DNAH7: variants seen among roughly 807,000 people sequenced by gnomAD.
The protein encoded by DNAH7 is axonemal beta dynein heavy chain 7.
In DNAH7, 397 loss-of-function variants were observed where a neutral mutation model predicts 444.6. The observed-to-expected ratio is 0.89, with a 90% CI of 0.82 to 0.97. The LOEUF (loss-of-function observed/expected upper bound fraction) is 0.97. DNAH7 is among the 50% of genes least tolerant of loss of function. DNAH7 has a pLI of 0.00. For synonymous variants in DNAH7, 1,636 were observed against 1,624.4 expected (o/e 1.01, Z -0.17); for missense variants, 4,902 against 4,800.8 (o/e 1.02, Z -0.62).
chr2:195,747,323 C>G (rs1375459291), intron 63 of DNAH7, among the ~76,000 whole-genome samples: 2 of 151,718 alleles, frequency 1.3e-5, no homozygotes, highest in Non-Finnish European at 3.0e-5. Flanking sequence ...TCTGAATAGG[C>G]TCTAAAATTG....
chr2:195,804,302 T>A (rs1267280808), intron 54 of DNAH7, among the ~76,000 whole-genome samples: 1 of 152,218 alleles, frequency 6.6e-6, no homozygotes, highest in Non-Finnish European at 1.5e-5. Flanking sequence ...ATGTATTATT[T>A]TATCATACAT....
At position 196,024,453 on chromosome 2, in the gene DNAH7, T is replaced by G. The variant is rs1296747338; in HGVS notation, c.719A>C (p.Asp240Ala). Residue 240 changes from aspartate to alanine, a missense_variant, in exon 8 of 65, where the codon GAT (aspartate) becomes GCT (alanine). Transcript: ENST00000312428. ...CTCAGCACGATGGGCTGGAAGTTCA[T>G]CTGTCTTCTTATCATCTCCTTTCTC... ...PREKGDDKKT[D>A]ELPAHRAEME... The G allele has an allele frequency of 6.3e-7, 1 of 1,585,762 alleles. No homozygotes were observed. Among genetic ancestry groups the G allele is most frequent in the Non-Finnish European group, 8.6e-7 (1 of 1,168,842 alleles).
rs1204967193 is a variant in DNAH7 at position 195,864,609 on chromosome 2, G to A, written c.7046C>T (p.Ser2349Phe). 6.2e-7 allele frequency: 1 copy of A among 1,613,968 alleles called. No homozygotes were observed. The highest frequency in any genetic ancestry group is 1.3e-5 in the African/African-American group (1 of 74,904). ...LVGVGGSGRQSVTRLAAHMAD... is the reference protein window; with the variant it reads ...LVGVGGSGRQFVTRLAAHMAD... ...CATGTGGGCAGCTAATCTGGTGACA[G>A]ACTGCCTTCCACTCCCTCCAACCCC... Residue 2349 changes from serine (S) to phenylalanine (F), a missense_variant, in exon 41 of 65, where the codon TCT becomes TTT. By Grantham distance (155) the Ser-to-Phe change is radical. Transcript: ENST00000312428.
chr2:195,941,208 C>A (rs926869716), intron 19 of DNAH7, among the ~76,000 whole-genome samples: 1 of 152,068 alleles, frequency 6.6e-6, no homozygotes, highest in African/African-American at 2.4e-5. Context: ...AAAATGAGTT[C>A]ATGTCCTTTG....
At position 195,886,286 on chromosome 2, in the gene DNAH7, A is replaced by T; in HGVS notation, c.5407-14T>A. 6.2e-7 allele frequency: 1 copy of T among 1,606,924 alleles called. No individual in the cohort carries two copies. The highest frequency in any genetic ancestry group is 8.5e-7 in the Non-Finnish European group (1 of 1,177,138). On this transcript the variant is annotated splice_polypyrimidine_tract_variant and intron_variant, in intron 33 of 64. Transcript: ENST00000312428. ...AGGAGATAATTCCTGAAAAGTCAGTAAGAAAAATGACTAAACAATTTAAAT... is the reference window on the plus strand; with the variant it reads ...AGGAGATAATTCCTGAAAAGTCAGTTAGAAAAATGACTAAACAATTTAAAT...
intron 20 of DNAH7, among the ~76,000 whole-genome samples, chr2:195,935,004 C>T (rs1483604489): frequency 6.6e-6 from 1 of 152,124 alleles, no homozygotes; most frequent in Non-Finnish European, 1.5e-5. Flanking sequence ...TGAATAATCA[C>T]AAAACATCTG....
At chr2:195,936,877 T>C in intron 19 of DNAH7, 85 bp from the exon 20 acceptor site, 1 of 1,092,370 alleles carries the variant, frequency 9.2e-7, no homozygotes, top group South Asian at 2.4e-5. Flanking sequence ...AGATTATATG[T>C]TTGTAATCAA....
intron 24 of DNAH7, among the ~76,000 whole-genome samples, chr2:195,914,636 T>C (rs1020530389): frequency 6.6e-6 from 1 of 152,192 alleles, no homozygotes; most frequent in Non-Finnish European, 1.5e-5. Flanking sequence ...CTATCCTCTA[T>C]CTGAAAAACA....
At chr2:196,032,287 A>G (rs1320743264) in intron 5 of DNAH7, among the ~76,000 whole-genome samples, 1 of 152,180 alleles carries the variant, frequency 6.6e-6, no homozygotes, top group Admixed American at 6.5e-5. Flanking sequence ...TATGGGAATT[A>G]TGGGAGTGCA....
At chr2:195,865,461 TTTTG>T (rs1413876278) in intron 40 of DNAH7, among the ~76,000 whole-genome samples, 1 of 152,214 alleles carries the variant, frequency 6.6e-6, no homozygotes, top group African/African-American at 2.4e-5. Flanking sequence ...TAGTTTTTGC[TTTTG>T]TTTTTGTTTT....
At chr2:195,833,922 T>C (rs1698199217) in intron 48 of DNAH7, among the ~76,000 whole-genome samples, 1 of 152,150 alleles carries the variant, frequency 6.6e-6, no homozygotes, top group Non-Finnish European at 1.5e-5. Context: ...ACCTGGCTAA[T>C]GTCTGTATTT....
At chr2:195,820,110 T>C (rs1219181013) in intron 49 of DNAH7, among the ~76,000 whole-genome samples, 1 of 152,168 alleles carries the variant, frequency 6.6e-6, no homozygotes, top group Non-Finnish European at 1.5e-5. Context: ...TACCTATAAT[T>C]GAAGGCAAAC....
At chr2:195,783,101 T>C (rs1428047870) in intron 58 of DNAH7, among the ~76,000 whole-genome samples, 1 of 152,126 alleles carries the variant, frequency 6.6e-6, no homozygotes, top group Non-Finnish European at 1.5e-5. Context: ...ATGAATGAAA[T>C]CACCACCAAT....
At chr2:195,941,229 G>T in intron 19 of DNAH7, among the ~76,000 whole-genome samples, 1 of 152,114 alleles carries the variant, frequency 6.6e-6, no homozygotes, top group East Asian at 1.9e-4. Flanking sequence ...CGGGGACATA[G>T]ATGAAGCTGG....
At chr2:196,044,421 T>C (rs1419809115) in intron 5 of DNAH7, among the ~76,000 whole-genome samples, 1 of 147,612 alleles carries the variant, frequency 6.8e-6, no homozygotes, top group East Asian at 2.1e-4. Context: ...AATGATATCA[T>C]GGACTCTGGA....
intron 5 of DNAH7, among the ~76,000 whole-genome samples, chr2:196,033,317 A>G (rs1348981383): frequency 2.0e-5 from 3 of 152,220 alleles, no homozygotes; most frequent in African/African-American, 7.2e-5. Context: ...AGAATTTATG[A>G]AATTTACTCT....
At chr2:195,859,765 T>C (rs12105574) in intron 42 of DNAH7, among the ~76,000 whole-genome samples, 5,478 of 152,284 alleles carry the variant, frequency 0.036, 300 homozygotes, top group African/African-American at 0.12. Context: ...ACCGAATGTA[T>C]GGCCTGTATT....
chr2:195,983,652 G>A (rs1342510435), intron 15 of DNAH7, among the ~76,000 whole-genome samples: 1 of 152,052 alleles, frequency 6.6e-6, no homozygotes, highest in African/African-American at 2.4e-5. Context: ...AGATTTGGAG[G>A]GGACAAGCAT....
chr2:195,833,769 T>C (rs1254718496), intron 48 of DNAH7, among the ~76,000 whole-genome samples: 1 of 152,196 alleles, frequency 6.6e-6, no homozygotes, highest in African/African-American at 2.4e-5. Flanking sequence ...ATTTTTTATT[T>C]TTTTGAGATG....
Sources: allele counts gnomAD v4.1 joint callset (sites outside exome capture counted in the v4.1 genomes callset), GRCh38; gene constraint gnomAD v4.1.1; transcripts MANE v1.5; gene names NCBI Gene and HGNC (gene_info 2026-07-23, HGNC 2026-07-21).